Variants in STXBP6 observed in about 807,000 individuals in gnomAD.
STXBP6 encodes syntaxin binding protein 6.
In STXBP6, 21 loss-of-function variants were observed where a neutral mutation model predicts 26.9. The observed-to-expected ratio is 0.78, with a 90% CI of 0.55 to 1.12. STXBP6 has a LOEUF of 1.12. STXBP6 is among the 50% of genes most tolerant of loss of function. The probability of loss-of-function intolerance (pLI) is 0.00; values close to 1 mark genes in which losing one functional copy is unlikely to be tolerated. For missense variants in STXBP6, 232 were observed against 257.9 expected, an observed-to-expected ratio of 0.90 and a Z score of 0.69; for synonymous variants, 97 against 92.6, an observed-to-expected ratio of 1.05 and a Z score of -0.27.
At chr14:24,970,877 A>AT (rs1165524373) in intron 2 of STXBP6, among the ~76,000 whole-genome samples, 1 of 152,196 alleles carries the variant, frequency 6.6e-6, no homozygotes, top group Non-Finnish European at 1.5e-5. Flanking sequence ...TATTGTCAGT[A>AT]TTTTTAATTT....
chr14:24,820,724 C>T (rs193177781), intron 4 of STXBP6, among the ~76,000 whole-genome samples: 3 of 152,288 alleles, frequency 2.0e-5, no homozygotes, highest in Admixed American at 1.3e-4. Context: ...AGCACCTTCA[C>T]GAATATTATC....
At chr14:24,859,530 C>T (rs1268951677) in intron 2 of STXBP6, among the ~76,000 whole-genome samples, 1 of 152,076 alleles carries the variant, frequency 6.6e-6, no homozygotes, top group Non-Finnish European at 1.5e-5. Context: ...CATGCTTTAA[C>T]TATTTCATTG....
chr14:24,877,842 T>G (rs1281388913), intron 2 of STXBP6, among the ~76,000 whole-genome samples: 2 of 152,208 alleles, frequency 1.3e-5, no homozygotes, highest in Non-Finnish European at 2.9e-5. Context: ...ACCACTGGCC[T>G]TCTATAAGCA....
At chr14:24,812,844 C>A (rs1023103881) in intron 5 of STXBP6, 112 bp from the exon 6 acceptor site, 9 of 1,044,512 alleles carry the variant, frequency 8.6e-6, no homozygotes, top group Middle Eastern at 2.1e-4. Context: ...CACCAAGATT[C>A]TACTCTCTGT....
At chr14:24,944,238 G>A (rs904558394) in intron 2 of STXBP6, among the ~76,000 whole-genome samples, 1 of 152,148 alleles carries the variant, frequency 6.6e-6, no homozygotes, top group Non-Finnish European at 1.5e-5. Flanking sequence ...CCGCACGGAA[G>A]GTATCATCCC....
chr14:24,989,746 CACGAGTGTGGGCTCTGTTCT>C (rs1468447185), intron 1 of STXBP6, among the ~76,000 whole-genome samples: 1 of 152,204 alleles, frequency 6.6e-6, no homozygotes, highest in Non-Finnish European at 1.5e-5. Context: ...GGCTGCCCAT[CACGAGTGTGGGCTCTGTTCT>C]ACTAGACAGA....
chr14:24,929,091 A>T (rs2072287856), intron 2 of STXBP6, among the ~76,000 whole-genome samples: 1 of 152,208 alleles, frequency 6.6e-6, no homozygotes, highest in Non-Finnish European at 1.5e-5. Flanking sequence ...TACAAAGTGA[A>T]AAAAGGCCTC....
chr14:24,866,308 T>C (rs1421406714), intron 2 of STXBP6, among the ~76,000 whole-genome samples: 10 of 152,196 alleles, frequency 6.6e-5, no homozygotes, highest in African/African-American at 2.4e-4. Context: ...CCAGTCTCCA[T>C]GATCATGTGA....
At position 24,974,594 on chromosome 14, in the gene STXBP6, C is replaced by T. The variant is rs1313119637; in HGVS notation, c.154+71G>A. On this transcript the variant is annotated intron_variant, in intron 2 of 5. Coordinates refer to ENST00000323944, the MANE Select transcript of STXBP6 (RefSeq NM_001394410.1). ...TACAAAACCTGTGAATGTAAACCTC[C>T]TGGATACCTCAGAATGAACTGTTTT... is the stretch of plus-strand genomic sequence containing the variant. 18 of 1,384,054 alleles carry T rather than the reference C, an allele frequency of 1.3e-5. No individual in the cohort carries two copies. The East Asian group carries it at 4.5e-4, about 35-fold the overall frequency. 85.7% of individuals were successfully genotyped at this position (1,384,054 alleles called of 1,614,324 possible).
rs375542216 is a variant in STXBP6, at chr14:25,010,953, G to GAGATGAC, written c.-32-36110_-32-36104dup. Among the ~76,000 whole-genome samples, 15 of 151,298 alleles carry GAGATGAC rather than the reference G, an allele frequency of 9.9e-5. No individual in the cohort carries two copies. The East Asian group carries it at 2.7e-3, about 27-fold the overall frequency. ...TAAAACTACCTTCAACAAAGTCAAT[G>GAGATGAC]AGATGACTTGCTGGAAAAGCCCATG... On this transcript the variant is annotated intron_variant, in intron 1 of 5. Transcript: ENST00000323944.
intron 2 of STXBP6, among the ~76,000 whole-genome samples, chr14:24,882,265 G>C (rs1394901772): frequency 6.8e-6 from 1 of 148,118 alleles, no homozygotes; most frequent in African/African-American, 2.5e-5. Flanking sequence ...TGTAGTCCCA[G>C]CTACTTGGGA....
chr14:24,848,506 C>A (rs2069039202), intron 4 of STXBP6, among the ~76,000 whole-genome samples: 1 of 152,032 alleles, frequency 6.6e-6, no homozygotes, highest in Non-Finnish European at 1.5e-5. Context: ...CTTGTCCAGA[C>A]AAAAATGGTA....
At chr14:24,954,316 G>C (rs2073267837) in intron 2 of STXBP6, among the ~76,000 whole-genome samples, 1 of 152,102 alleles carries the variant, frequency 6.6e-6, no homozygotes, top group Admixed American at 6.6e-5. Context: ...GGTGGGAGGG[G>C]AGCAGACTGA....
Position 24,948,131 on chromosome 14 carries a change from G to A in STXBP6, c.154+26534C>T, listed in dbSNP as rs375986382. ...AAAGGCGCCAATCCCACTTCTCTCC[G>A]GAGAAAGCAAAAATGTTTCAAAGGG... On this transcript the variant is annotated intron_variant, in intron 2 of 5. Transcript: ENST00000323944. Among the ~76,000 whole-genome samples the A allele has an allele frequency of 8.6e-5, 13 of 152,012 alleles. No individual in the cohort carries two copies. In the East Asian group the frequency reaches 1.9e-3, roughly 23 times the overall value.
At chr14:25,040,669 G>A (rs17109521) in intron 1 of STXBP6, among the ~76,000 whole-genome samples, 18,312 of 152,152 alleles carry the variant, frequency 0.12, 1,186 homozygotes, top group African/African-American at 0.16. Flanking sequence ...GATAGTGAAG[G>A]GGAATCACAG....
intron 2 of STXBP6, among the ~76,000 whole-genome samples, chr14:24,913,357 A>G (rs2071644301): frequency 6.6e-6 from 1 of 152,196 alleles, no homozygotes; most frequent in Admixed American, 6.5e-5. Context: ...TTCCTAACAC[A>G]AAGAAATGAT....
At chr14:24,921,815 G>A (rs368956527) in intron 2 of STXBP6, among the ~76,000 whole-genome samples, 1 of 151,926 alleles carries the variant, frequency 6.6e-6, no homozygotes, top group Admixed American at 6.6e-5. Context: ...ATAAGAACAT[G>A]GCTCAAAAGC....
chr14:25,049,732 C>T lies in STXBP6; in HGVS notation c.-33+146G>A. ...GCCACCCGCCAACTTGGAAGAATCT[C>T]TCTGGGAGCCTGCCTACTCCCCTGG... On this transcript the variant is annotated intron_variant, in intron 1 of 5. Coordinates refer to ENST00000323944, the MANE Select transcript of STXBP6 (RefSeq NM_001394410.1). The surrounding 1 kb of genome is among the most constrained non-coding windows in gnomAD (Gnocchi z 5.6). The T allele has an allele frequency of 1.0e-6, 1 of 985,558 alleles. No individual in the cohort carries two copies. Among genetic ancestry groups the T allele is most frequent in the Non-Finnish European group, 1.2e-6 (1 of 830,082 alleles). The allele number at this position is 985,558 out of a possible 1,614,324, so 61.1% of individuals were successfully genotyped here.
chr14:25,040,678 A>G (rs1407772457), intron 1 of STXBP6, among the ~76,000 whole-genome samples: 1 of 152,228 alleles, frequency 6.6e-6, no homozygotes, highest in Non-Finnish European at 1.5e-5. Flanking sequence ...GGGGAATCAC[A>G]GAAGAAAAGC....
Sources: gnomAD v4.1 joint callset for allele counts (sites outside exome capture counted in the v4.1 genomes callset) on GRCh38, gnomAD v4.1.1 for gene constraint, Gnocchi (gnomAD v3.1) non-coding constraint, MANE v1.5 for transcripts, NCBI Gene and HGNC (gene_info 2026-07-23, HGNC 2026-07-21) for gene names.